THADA: variants seen among roughly 807,000 people sequenced by gnomAD.
The protein encoded by THADA is THADA armadillo repeat containing, also known as tRNA (32-2'-O)-methyltransferase regulator THADA.
In THADA, 213 loss-of-function variants were observed where a neutral mutation model predicts 219.8. That is an observed-to-expected ratio of 0.97 (90% CI 0.87 to 1.09). The LOEUF (loss-of-function observed/expected upper bound fraction) is 1.09, where lower values mean the gene tolerates loss of function less well. Among genes scored for constraint, THADA ranks in the 50% least tolerant of loss-of-function variants. THADA has a pLI of 0.00. For synonymous variants in THADA, 1,018 were observed against 828.9 expected, an observed-to-expected ratio of 1.23 and a Z score of -3.92; for missense variants, 2,956 against 2,311.3, an observed-to-expected ratio of 1.28 and a Z score of -5.72.
In THADA at chr2:43,574,367, C is replaced by G; in HGVS notation, c.1698G>C (p.Lys566Asn). 2 of 1,588,362 alleles carry G rather than the reference C, an allele frequency of 1.3e-6. No homozygotes were observed. The highest frequency in any genetic ancestry group is 8.5e-7 in the Non-Finnish European group (1 of 1,169,812). ...YSPESLQYMV[K>N]ILQTSIDAKT... The stretch of plus-strand genomic sequence containing the variant: ...TAGCATCAATAGAAGTCTGAAGAAT[C>G]TTTACCATGTACTGTAAGCTTTCAG... Residue 566 changes from lysine to asparagine, a missense_variant, in exon 11 of 38, where the codon AAG becomes AAC. By Grantham distance (94) the Lys-to-Asn change is moderately conservative (BLOSUM62 0). Coordinates refer to ENST00000405975, the MANE Select transcript of THADA (RefSeq NM_022065.5).
chr2:43,248,065 A>AAAC (rs1558463489), intron 36 of THADA, among the ~76,000 whole-genome samples: 12 of 143,736 alleles, frequency 8.3e-5, no homozygotes, highest in African/African-American at 2.3e-4. Context: ...AACAAACAAA[A>AAAC]AAAAAGTTGA....
intron 26 of THADA, among the ~76,000 whole-genome samples, chr2:43,442,284 A>T (rs1680937101): frequency 6.6e-6 from 1 of 152,046 alleles, no homozygotes; most frequent in African/African-American, 2.4e-5. Flanking sequence ...AAAAATATAA[A>T]ATTTAGCTGG....
chr2:43,452,119 A>G (rs1278969056), intron 26 of THADA, among the ~76,000 whole-genome samples: 1 of 152,244 alleles, frequency 6.6e-6, no homozygotes, highest in African/African-American at 2.4e-5. Flanking sequence ...AAAGAAAGAA[A>G]GAAAAAAGAA....
At chr2:43,248,302 T>A (rs1669470060) in intron 36 of THADA, among the ~76,000 whole-genome samples, 1 of 150,080 alleles carries the variant, frequency 6.7e-6, no homozygotes. Flanking sequence ...TGATCTCGGT[T>A]CAGTGCAACC....
intron 29 of THADA, among the ~76,000 whole-genome samples, chr2:43,352,845 C>T (rs1056309278): frequency 5.3e-5 from 8 of 152,144 alleles, no homozygotes; most frequent in South Asian, 4.1e-4. Flanking sequence ...TTGTTCATCC[C>T]GCGTAATTGC....
intron 12 of THADA, 48 bp from the exon 13 acceptor site, chr2:43,571,910 A>G: frequency 1.3e-6 from 2 of 1,584,264 alleles, no homozygotes; most frequent in Non-Finnish European, 1.7e-6. Context: ...GAAATAAGCA[A>G]AGCCTAAATC....
intron 36 of THADA, among the ~76,000 whole-genome samples, chr2:43,247,018 G>A (rs563851882): frequency 6.6e-6 from 1 of 152,332 alleles, no homozygotes; most frequent in East Asian, 1.9e-4. Flanking sequence ...CTAAAAAGGA[G>A]GAATGCTCAA....
chr2:43,401,666 T>G (rs1674859320), intron 28 of THADA, among the ~76,000 whole-genome samples: 1 of 152,234 alleles, frequency 6.6e-6, no homozygotes, highest in Non-Finnish European at 1.5e-5. Context: ...ACCTGTGATC[T>G]CTTTACTATG....
At chr2:43,579,792 G>A (rs189425705) in intron 8 of THADA, among the ~76,000 whole-genome samples, 3 of 152,256 alleles carry the variant, frequency 2.0e-5, no homozygotes, top group East Asian at 1.9e-4. Context: ...GGCAACAAAC[G>A]TGGGTGAAAA....
chr2:43,294,332 T>G (rs1380512398), intron 31 of THADA, among the ~76,000 whole-genome samples: 1 of 152,172 alleles, frequency 6.6e-6, no homozygotes, highest in African/African-American at 2.4e-5. Context: ...AACACATAAT[T>G]CCAATATAGT....
chr2:43,367,763 T>C (rs1670331319), intron 29 of THADA, among the ~76,000 whole-genome samples: 1 of 152,200 alleles, frequency 6.6e-6, no homozygotes, highest in Non-Finnish European at 1.5e-5. Context: ...CCAGTCTCTC[T>C]ACTGTTATGT....
At position 43,556,834 on chromosome 2, in the gene THADA, A is replaced by G. The variant is rs115654868; in HGVS notation, c.2464-279T>C. 4.4e-3 allele frequency among the ~76,000 whole-genome samples: 663 copies of G among 152,254 alleles called. 2 individuals carry two copies. The highest frequency in any genetic ancestry group is 0.015 in the African/African-American group (633 of 41,536). ...AACCCCATCACTTTGGAAGGCCAAGATGGGAGGATCACTTGAGGTTAGGAG... is the reference window on the plus strand; with the variant it reads ...AACCCCATCACTTTGGAAGGCCAAGGTGGGAGGATCACTTGAGGTTAGGAG... On this transcript the variant is annotated intron_variant, in intron 16 of 37. Coordinates refer to ENST00000405975, the MANE Select transcript of THADA (RefSeq NM_022065.5).
chr2:43,308,362 CAGAA>C (rs778860306), intron 31 of THADA, among the ~76,000 whole-genome samples: 1 of 151,450 alleles, frequency 6.6e-6, no homozygotes, highest in Non-Finnish European at 1.5e-5. Flanking sequence ...AATGGAATCA[CAGAA>C]AGAAAGGAAA....
intron 26 of THADA, among the ~76,000 whole-genome samples, chr2:43,460,746 A>G (rs1683542992): frequency 6.6e-6 from 1 of 152,234 alleles, no homozygotes; most frequent in Admixed American, 6.5e-5. Context: ...TTGGCGTGGT[A>G]AGAGCCATAG....
chr2:43,288,509 C>G (rs1336622448), intron 34 of THADA, among the ~76,000 whole-genome samples: 1 of 152,134 alleles, frequency 6.6e-6, no homozygotes, highest in East Asian at 1.9e-4. Context: ...CAGTTTATTA[C>G]AAAGATGAGA....
intron 21 of THADA, among the ~76,000 whole-genome samples, chr2:43,533,133 G>C (rs1439791229): frequency 6.6e-6 from 1 of 152,142 alleles, no homozygotes; most frequent in Non-Finnish European, 1.5e-5. Context: ...ACAAATATAT[G>C]AAAAAAGCTC....
intron 29 of THADA, among the ~76,000 whole-genome samples, chr2:43,380,047 C>T (rs1182511165): frequency 6.6e-6 from 1 of 152,148 alleles, no homozygotes; most frequent in African/African-American, 2.4e-5. Context: ...CTTAGGGGAA[C>T]CACAGGAAAG....
chr2:43,372,865 G>A (rs1028289184), intron 29 of THADA, among the ~76,000 whole-genome samples: 1 of 152,020 alleles, frequency 6.6e-6, no homozygotes, highest in Non-Finnish European at 1.5e-5. Context: ...CCACACCTTC[G>A]CTAATTTTTT....
intron 31 of THADA, among the ~76,000 whole-genome samples, chr2:43,314,238 ATTTC>A (rs1459418606): frequency 2.6e-5 from 4 of 152,164 alleles, no homozygotes; most frequent in Non-Finnish European, 4.4e-5. Flanking sequence ...TTGCTATGTC[ATTTC>A]TTTAGGATTA....
Sources: gnomAD v4.1 joint callset for allele counts (sites outside exome capture counted in the v4.1 genomes callset) on GRCh38, gnomAD v4.1.1 for gene constraint, MANE v1.5 for transcripts, NCBI Gene and HGNC (gene_info 2026-07-23, HGNC 2026-07-21) for gene names.